UBE2V1: variants seen among roughly 807,000 people sequenced by gnomAD.
UBE2V1 encodes ubiquitin conjugating enzyme E2 V1, also known as ubiquitin-conjugating enzyme E2 variant 1.
Under a neutral mutation model 19.6 loss-of-function variants are expected in UBE2V1, and 15 were observed. The ratio of observed to expected loss-of-function variants is 0.77; its 90% CI spans 0.51 to 1.18. UBE2V1 has a LOEUF of 1.18. Among genes scored for constraint, UBE2V1 ranks in the 50% most tolerant of loss-of-function variants. UBE2V1 has a pLI of 0.00. For synonymous variants in UBE2V1, 60 were observed against 60.7 expected, an observed-to-expected ratio of 0.99 and a Z score of 0.05; for missense variants, 125 against 184.8, an observed-to-expected ratio of 0.68 and a Z score of 1.88.
intron 2 of UBE2V1, among the ~76,000 whole-genome samples, chr20:50,085,323 G>A (rs1210902915): frequency 2.0e-5 from 3 of 152,134 alleles, no homozygotes; most frequent in Non-Finnish European, 2.9e-5. Flanking sequence ...TTGCCCGGCT[G>A]TTCCTTCTGC....
intron 2 of UBE2V1, among the ~76,000 whole-genome samples, chr20:50,085,470 T>C (rs2078859647): frequency 6.6e-6 from 1 of 152,098 alleles, no homozygotes; most frequent in Admixed American, 6.6e-5. Context: ...TGAAGGGTGA[T>C]GTCTCCCAGT....
At chr20:50,115,655 G>A, upstream of UBE2V1, 1 of 1,312,108 alleles carries the variant, frequency 7.6e-7, no homozygotes, top group Non-Finnish European at 9.8e-7. Flanking sequence ...AAAACCCCTT[G>A]GGCACAGGGA....
At chr20:50,084,100 G>T in intron 3 of UBE2V1, 29 bp downstream of exon 3, 3 of 1,548,102 alleles carry the variant, frequency 1.9e-6, no homozygotes, top group South Asian at 2.5e-5. Context: ...CAACTCCAAG[G>T]AACAAGTGGG....
At chr20:50,106,521 C>A (rs2080367369) in intron 1 of UBE2V1, among the ~76,000 whole-genome samples, 1 of 152,110 alleles carries the variant, frequency 6.6e-6, no homozygotes, top group African/African-American at 2.4e-5. Context: ...AAACCCTGGC[C>A]TAGGTCTTGA....
rs370446422 is a variant in UBE2V1 at position 50,106,693 on chromosome 20, G to A, written c.22+6414C>T. On this transcript the variant is annotated intron_variant, in intron 1 of 3. Transcript: ENST00000371674. ...TAAAAATACAAAATTAGCTGGGCGT[G>A]GTGGCGCATGCCTGTAATCGAGCTA... Among the ~76,000 whole-genome samples the A allele has an allele frequency of 4.1e-5, 3 of 73,026 alleles. No individual in the cohort carries two copies. In the East Asian group the frequency reaches 1.5e-3, roughly 37 times the overall value. The allele number at this position is 73,026 out of a possible 152,430, so 47.9% of individuals were successfully genotyped here. A position where few individuals can be genotyped will look rare whatever the true frequency, so the allele number is the denominator to read the frequency against.
chr20:50,111,675 C>A, intron 1 of UBE2V1: 1 of 795,408 alleles, frequency 1.3e-6, no homozygotes. Context: ...AGTCAGATCC[C>A]CCACATTCAA....
In UBE2V1 at chr20:50,082,775, C is replaced by T; in HGVS notation, c.437G>A (p.Ser146Asn). 2.5e-6 allele frequency: 4 copies of T among 1,611,862 alleles called. No homozygotes were observed. The highest frequency in any genetic ancestry group is 2.5e-6 in the Non-Finnish European group (3 of 1,179,808). Residue 146 changes from serine (S) to asparagine (N), a missense_variant, in exon 4 of 4, where the codon AGC becomes AAC. This residue lies in a region of UBE2V1 where 78 missense variants were observed against 108.8 expected (regional missense o/e 0.72). Transcript: ENST00000371674. ...LPQPPEGQCY[S>N]N is the part of the protein sequence containing the mutation. The stretch of plus-strand genomic sequence containing the variant: ...TGTGGTTTTTCTTTTTGATTAATTG[C>T]TGTAACACTGTCCTTCGGGCGGCTG...
rs558970390 is a variant in UBE2V1 at position 50,099,517 on chromosome 20, A to AT, written c.23-2698dup. ...TTCCCCCTACTTTCTCTATTTCCTG[A>AT]TTTTTTTACAACAATCCCATGTTAT... On this transcript the variant is annotated intron_variant, in intron 1 of 3. Transcript: ENST00000371674. Among the ~76,000 whole-genome samples the AT allele has an allele frequency of 8.2e-4, 125 of 152,156 alleles. 2 individuals are homozygous for AT. In the East Asian group the frequency reaches 0.015, roughly 19 times the overall value.
At chr20:50,105,238 C>T (rs1313867081) in intron 1 of UBE2V1, among the ~76,000 whole-genome samples, 1 of 152,112 alleles carries the variant, frequency 6.6e-6, no homozygotes, top group East Asian at 1.9e-4. Context: ...TTCTACAAAA[C>T]AAAAGAGCAT....
Position 50,081,931 on chromosome 20 carries a change from G to C in UBE2V1, c.*837C>G, listed in dbSNP as rs1271508513. On this transcript the variant is annotated 3_prime_UTR_variant, in exon 4 of 4. Transcript: ENST00000371674. ...AGGCTGGTGGAGAGTGAGTGAGTAT[G>C]GTTCCAAAACTAAACAAGGGAGGTC... The C allele has an allele frequency of 1.2e-5, 3 of 253,516 alleles. No homozygotes were observed. Among genetic ancestry groups the C allele is most frequent in the Admixed American group, 1.1e-4 (2 of 18,420 alleles). The allele number at this position is 253,516 out of a possible 1,614,324, so 15.7% of individuals were successfully genotyped here.
chr20:50,112,802 G>A (rs1280565685), intron 1 of UBE2V1, among the ~76,000 whole-genome samples: 3 of 152,104 alleles, frequency 2.0e-5, no homozygotes, highest in African/African-American at 2.4e-5. Context: ...GTATCCTCAG[G>A]AGTGCCTCGG....
chr20:50,104,584 G>A (rs1464773044), intron 1 of UBE2V1, among the ~76,000 whole-genome samples: 3 of 147,078 alleles, frequency 2.0e-5, no homozygotes, highest in Non-Finnish European at 3.0e-5. Context: ...GTGAACCCCA[G>A]GGGGCGGAGC....
Position 50,081,334 on chromosome 20 carries a change from CAAATACT to C in UBE2V1, c.*1427_*1433del, listed in dbSNP as rs1312916426. 7.3e-6 allele frequency: 1 copy of C among 136,852 alleles called. No homozygotes were observed. The highest frequency in any genetic ancestry group is 1.6e-5 in the Non-Finnish European group (1 of 63,620). 8.5% of individuals were successfully genotyped at this position (136,852 alleles called of 1,614,324 possible). On this transcript the variant is annotated 3_prime_UTR_variant, in exon 4 of 4. Coordinates refer to ENST00000371674, the MANE Select transcript of UBE2V1 (RefSeq NM_001032288.3). ...TGCTGCTTCAAAAGGTGGTTTTACACAAATACTAAATTAAAAAAAAAAAAAAAACCTT... is the reference window on the plus strand; with the variant it reads ...TGCTGCTTCAAAAGGTGGTTTTACACAAATTAAAAAAAAAAAAAAAACCTT...
At chr20:50,094,116 ATATAT>A (rs1261458913) in intron 2 of UBE2V1, among the ~76,000 whole-genome samples, 3 of 121,274 alleles carry the variant, frequency 2.5e-5, no homozygotes, top group South Asian at 5.2e-4. Flanking sequence ...TTAAATAAAA[ATATAT>A]TATATATTAT....
In UBE2V1 at chr20:50,082,664, T is replaced by C. The variant is rs73611765; in HGVS notation, c.*104A>G. On this transcript the variant is annotated 3_prime_UTR_variant, in exon 4 of 4. Coordinates refer to ENST00000371674, the MANE Select transcript of UBE2V1 (RefSeq NM_001032288.3). ...GAATGGGAGCTTCCTTTCCGGTACT[T>C]TGAGGTCTACAAGACGTATCTAGAA... The C allele has an allele frequency of 6.6e-6, 10 of 1,509,662 alleles. No individual in the cohort carries two copies. The East Asian group carries it at 1.1e-4, about 17-fold the overall frequency. 93.5% of individuals were successfully genotyped at this position (1,509,662 alleles called of 1,614,324 possible).
intron 1 of UBE2V1, among the ~76,000 whole-genome samples, chr20:50,101,310 T>C (rs2079970364): frequency 6.6e-6 from 1 of 152,186 alleles, no homozygotes; most frequent in Non-Finnish European, 1.5e-5. Flanking sequence ...AACTGCTATC[T>C]ACTGAACAAT....
chr20:50,084,917 A>G (rs2078829280), intron 2 of UBE2V1, among the ~76,000 whole-genome samples: 1 of 99,548 alleles, frequency 1.0e-5, no homozygotes, highest in African/African-American at 3.8e-5. Context: ...TTTTTTTGAG[A>G]CAGAGTTTTG....
At chr20:50,093,572 T>C (rs1417320442) in intron 2 of UBE2V1, among the ~76,000 whole-genome samples, 1 of 152,186 alleles carries the variant, frequency 6.6e-6, no homozygotes, top group Non-Finnish European at 1.5e-5. Context: ...TTTCGGGCAT[T>C]GCTAGTAGGA....
At chr20:50,104,609 G>T (rs1289630879) in intron 1 of UBE2V1, among the ~76,000 whole-genome samples, 1 of 123,468 alleles carries the variant, frequency 8.1e-6, no homozygotes, top group Admixed American at 9.7e-5. Flanking sequence ...AGTGAGCCGA[G>T]ATTGCGCCAC....
Sources: allele counts gnomAD v4.1 joint callset (sites outside exome capture counted in the v4.1 genomes callset), GRCh38; gene constraint gnomAD v4.1.1; regional missense constraint gnomAD v4.1.1; transcripts MANE v1.5; gene names NCBI Gene and HGNC (gene_info 2026-07-23, HGNC 2026-07-21).